The following PXK variants were observed in gnomAD, a reference collection of about 807,000 sequenced individuals.
PXK encodes the protein PX domain-containing protein kinase-like protein.
PXK carries 35 observed loss-of-function variants against 84.7 expected under a neutral mutation model. The ratio of observed to expected loss-of-function variants is 0.41; its 90% CI spans 0.32 to 0.55. The LOEUF (loss-of-function observed/expected upper bound fraction) is 0.55. PXK is among the 20% of genes least tolerant of loss of function. The pLI is 0.21. For missense variants in PXK, 634 were observed against 699.7 expected (o/e 0.91, Z 1.06); for synonymous variants, 253 against 260.8 (o/e 0.97, Z 0.29).
intron 7 of PXK, among the ~76,000 whole-genome samples, chr3:58,394,437 G>A (rs2057316031): frequency 1.3e-5 from 2 of 152,224 alleles, no homozygotes; most frequent in African/African-American, 4.8e-5. Context: ...AGGGTAGGAA[G>A]ATTCATGCCA....
At position 58,400,633 on chromosome 3, in the gene PXK, C is replaced by T. The variant is rs2058413095; in HGVS notation, c.1181+1256C>T. 6.6e-6 allele frequency among the ~76,000 whole-genome samples: 1 copy of T among 152,160 alleles called. No individual in the cohort carries two copies. The highest frequency in any genetic ancestry group is 1.5e-5 in the Non-Finnish European group (1 of 68,028). Reference sequence around the variant, plus strand: ...ATTAATAATAATGTAATAATGTGGGCCGGGCAGTGGCTCATGCCTATAATC... The same window carrying T: ...ATTAATAATAATGTAATAATGTGGGTCGGGCAGTGGCTCATGCCTATAATC... On this transcript the variant is annotated intron_variant, in intron 12 of 17. Transcript: ENST00000356151. The surrounding 1 kb of genome is among the most constrained non-coding windows in gnomAD (Gnocchi z 4.0).
rs999827444 is a variant in PXK at position 58,370,811 on chromosome 3, T to C, written c.201+1333T>C. ...GTCAGGAGTTCAAGACCAGCCTGGC[T>C]AACATGGCGAAACCCTGTCTCTACT... On this transcript the variant is annotated intron_variant, in intron 3 of 17. Transcript: ENST00000356151. The surrounding 1 kb of genome is among the most constrained non-coding windows in gnomAD (Gnocchi z 4.2). 6.6e-6 allele frequency among the ~76,000 whole-genome samples: 1 copy of C among 152,060 alleles called. No individual in the cohort carries two copies. Among genetic ancestry groups the C allele is most frequent in the Non-Finnish European group, 1.5e-5 (1 of 68,012 alleles).
At position 58,409,050 on chromosome 3, in the gene PXK, C is replaced by A; in HGVS notation, c.1308+49C>A. 1 of 1,407,512 alleles carries A rather than the reference C, an allele frequency of 7.1e-7. No homozygotes were observed. Among genetic ancestry groups the A allele is most frequent in the Non-Finnish European group, 1.0e-6 (1 of 1,000,688 alleles). 87.2% of individuals were successfully genotyped at this position (1,407,512 alleles called of 1,614,324 possible). The stretch of plus-strand genomic sequence containing the variant: ...TGCCTTTTAGTGTCCCCATCCTCTG[C>A]CGTGGTTTTTATAGTGATTGACCTT... On this transcript the variant is annotated intron_variant, in intron 14 of 17. Transcript: ENST00000356151. This position sits in a 1 kb window ranked among gnomAD's most constrained non-coding sequence, Gnocchi z 4.2.
At chr3:58,354,707 C>G (rs2098029838) in intron 1 of PXK, among the ~76,000 whole-genome samples, 1 of 152,060 alleles carries the variant, frequency 6.6e-6, no homozygotes, top group Non-Finnish European at 1.5e-5. Context: ...CTCGGCCTCC[C>G]AAAGTGCTGG....
At position 58,333,900 on chromosome 3, in the gene PXK, C is replaced by T. The variant is rs1271759137; in HGVS notation, c.102+810C>T. ...CCTTTTTTTTTTTTTGAAAGGCCCA[C>T]TATGCATTATAATTTCCAAGCAATA... On this transcript the variant is annotated intron_variant, in intron 1 of 17. Coordinates refer to ENST00000356151, the MANE Select transcript of PXK (RefSeq NM_017771.5). The surrounding 1 kb of genome is among the most constrained non-coding windows in gnomAD (Gnocchi z 5.4). Among the ~76,000 whole-genome samples, 2 of 150,472 alleles carry T rather than the reference C, an allele frequency of 1.3e-5. No individual in the cohort carries two copies. The highest frequency in any genetic ancestry group is 1.9e-4 in the East Asian group (1 of 5,172).
intron 3 of PXK, among the ~76,000 whole-genome samples, chr3:58,376,860 T>TAATC (rs75223640): frequency 0.29 from 44,398 of 151,756 alleles, 7,230 homozygotes; most frequent in Middle Eastern, 0.39. Flanking sequence ...GGCTGGTATC[T>TAATC]AACTCCTGAC....
intron 1 of PXK, among the ~76,000 whole-genome samples, chr3:58,338,790 A>G (rs1245875258): frequency 6.6e-6 from 1 of 150,576 alleles, no homozygotes; most frequent in East Asian, 2.0e-4. Context: ...GGTTCAAGCA[A>G]TTCTGCTTCA....
At position 58,425,020 on chromosome 3, in the gene PXK, C is replaced by A. The variant is rs141369866; in HGVS notation, c.*60C>A. On this transcript the variant is annotated 3_prime_UTR_variant, in exon 18 of 18. Transcript: ENST00000356151. ...TTTTATTCCTACTCACCCCTACCCCCCAAACTACCCTCTTCCTGGGAAAGT... is the reference window on the plus strand; with the variant it reads ...TTTTATTCCTACTCACCCCTACCCCACAAACTACCCTCTTCCTGGGAAAGT... 3 of 1,582,560 alleles carry A rather than the reference C, an allele frequency of 1.9e-6. No individual in the cohort carries two copies. The African/African-American group carries it at 4.0e-5, about 21-fold the overall frequency.
At position 58,408,981 on chromosome 3, in the gene PXK, C is replaced by T. The variant is rs1490781449; in HGVS notation, c.1288C>T (p.Leu430=). 1 of 1,587,760 alleles carries T rather than the reference C, an allele frequency of 6.3e-7. No homozygotes were observed. The highest frequency in any genetic ancestry group is 8.6e-7 in the Non-Finnish European group (1 of 1,156,528). The change falls in exon 14 of 18, where the codon CTA becomes TTA. Residue 430 remains leucine, a synonymous_variant. Coordinates refer to ENST00000356151, the MANE Select transcript of PXK (RefSeq NM_017771.5). Reference sequence around the variant, plus strand: ...TGCCAAAGAATGTATAGAGAAGAGACTAATTGAGGAACAGAAACAGGTAAA... The same window carrying T: ...TGCCAAAGAATGTATAGAGAAGAGATTAATTGAGGAACAGAAACAGGTAAA... ...RIAKECIEKR[L]IEEQKQIHQH...
intron 3 of PXK, among the ~76,000 whole-genome samples, chr3:58,378,509 TTTTTGTGTGTG>T (rs1219762972): frequency 2.3e-5 from 1 of 43,542 alleles, no homozygotes; most frequent in Non-Finnish European, 5.8e-5. Context: ...TTTTTTTTTT[TTTTTGTGTGTG>T]TGTGTGTGTG....
chr3:58,418,729 A>G (rs1481382977), intron 17 of PXK, among the ~76,000 whole-genome samples: 6 of 152,228 alleles, frequency 3.9e-5, no homozygotes, highest in African/African-American at 1.4e-4. Context: ...AGATAATTCT[A>G]GCTGTTCTTG....
At position 58,397,328 on chromosome 3, in the gene PXK, C is replaced by T. The variant is rs370235426; in HGVS notation, c.984+128C>T. On this transcript the variant is annotated intron_variant, in intron 10 of 17. Transcript: ENST00000356151. The surrounding 1 kb of genome is among the most constrained non-coding windows in gnomAD (Gnocchi z 4.7). Reference sequence around the variant, plus strand: ...TTGGGACAGGCCTTGCCCGTCAGCCCTTGCAGCGTTGCTGTATCTCTGGGA... The same window carrying T: ...TTGGGACAGGCCTTGCCCGTCAGCCTTTGCAGCGTTGCTGTATCTCTGGGA... 4.2e-4 allele frequency: 491 copies of T among 1,162,020 alleles called. 6 individuals are homozygous for T. The South Asian group carries it at 6.2e-3, about 15-fold the overall frequency. The allele number at this position is 1,162,020 out of a possible 1,614,324, so 72.0% of individuals were successfully genotyped here. A position where few individuals can be genotyped will look rare whatever the true frequency, so the allele number is the denominator to read the frequency against.
chr3:58,399,261 G>T lies in PXK; in HGVS notation c.1103-38G>T. ...CATCAGCAAGTGGATTTGCCAGCGT[G>T]TTCTGTGGAACTAAAATGTGTATCT... is the stretch of plus-strand genomic sequence containing the variant. On this transcript the variant is annotated intron_variant, in intron 11 of 17. Coordinates refer to ENST00000356151, the MANE Select transcript of PXK (RefSeq NM_017771.5). This position sits in a 1 kb window ranked among gnomAD's most constrained non-coding sequence, Gnocchi z 4.3. 6.3e-7 allele frequency: 1 copy of T among 1,583,580 alleles called. No homozygotes were observed. Among genetic ancestry groups the T allele is most frequent in the Non-Finnish European group, 8.7e-7 (1 of 1,152,292 alleles).
intron 2 of PXK, among the ~76,000 whole-genome samples, chr3:58,367,308 G>A (rs996960877): frequency 1.3e-5 from 2 of 151,512 alleles, no homozygotes. Flanking sequence ...GCAGTGGCAC[G>A]ATCTTCGCTC....
intron 3 of PXK, among the ~76,000 whole-genome samples, chr3:58,378,828 G>A (rs1258790817): frequency 6.6e-6 from 1 of 151,094 alleles, no homozygotes; most frequent in Non-Finnish European, 1.5e-5. Flanking sequence ...GAGCCACCGC[G>A]CCCAGCCGGA....
intron 1 of PXK, among the ~76,000 whole-genome samples, chr3:58,363,114 TTATTTC>T (rs1226601505): frequency 6.6e-6 from 1 of 152,212 alleles, no homozygotes; most frequent in Non-Finnish European, 1.5e-5. Context: ...ATTGAAATCT[TTATTTC>T]TATTCGTTTA....
At position 58,400,228 on chromosome 3, in the gene PXK, C is replaced by T. The variant is rs778085466; in HGVS notation, c.1181+851C>T. Reference sequence around the variant, plus strand: ...AATGAGGTGATTCCTAGTAGGGACCCGGCACTTAATATGTGCTCATTAAGT... The same window carrying T: ...AATGAGGTGATTCCTAGTAGGGACCTGGCACTTAATATGTGCTCATTAAGT... On this transcript the variant is annotated intron_variant, in intron 12 of 17. Coordinates refer to ENST00000356151, the MANE Select transcript of PXK (RefSeq NM_017771.5). This position sits in a 1 kb window ranked among gnomAD's most constrained non-coding sequence, Gnocchi z 4.0. 4.6e-5 allele frequency among the ~76,000 whole-genome samples: 7 copies of T among 152,080 alleles called. No homozygotes were observed. Among genetic ancestry groups the T allele is most frequent in the South Asian group, 2.1e-4 (1 of 4,822 alleles).
chr3:58,418,996 A>G (rs1473131480), intron 17 of PXK, among the ~76,000 whole-genome samples: 1 of 152,274 alleles, frequency 6.6e-6, no homozygotes, highest in African/African-American at 2.4e-5. Flanking sequence ...AGCCTTCAGA[A>G]TGAAGACCCA....
intron 1 of PXK, among the ~76,000 whole-genome samples, chr3:58,346,431 T>C (rs867893356): frequency 1.9e-4 from 29 of 151,984 alleles, no homozygotes; most frequent in Middle Eastern, 3.4e-3. Flanking sequence ...GTCTGCCAAG[T>C]AGAGGCCACA....
Sources: allele counts gnomAD v4.1 joint callset (sites outside exome capture counted in the v4.1 genomes callset), GRCh38; gene constraint gnomAD v4.1.1; non-coding constraint Gnocchi (gnomAD v3.1); transcripts MANE v1.5; gene names NCBI Gene and HGNC (gene_info 2026-07-23, HGNC 2026-07-21).